Variants in TMEM255A observed in about 807,000 individuals in gnomAD.
The protein encoded by TMEM255A is family with sequence similarity 70, member A.
Under a neutral mutation model 23.5 loss-of-function variants are expected in TMEM255A, and 14 were observed. The ratio of observed to expected loss-of-function variants is 0.60; its 90% CI spans 0.39 to 0.93. The LOEUF is 0.93. Among genes scored for constraint, TMEM255A ranks in the 40% least tolerant of loss-of-function variants. The probability of loss-of-function intolerance (pLI) is 0.00; values close to 1 mark genes in which losing one functional copy is unlikely to be tolerated. For synonymous variants in TMEM255A, 104 were observed against 100.3 expected (o/e 1.04, Z -0.22); for missense variants, 233 against 261.7 (o/e 0.89, Z 0.76).
intron 2 of TMEM255A, among the ~76,000 whole-genome samples, chrX:120,296,706 G>T (rs1464487726): frequency 1.3e-4 from 6 of 46,903 alleles, no homozygotes; most frequent in East Asian, 6.3e-4. Context: ...AATATATTTA[G>T]GTAAATAAAT....
chrX:120,310,962 G>A (rs1388598135), intron 1 of TMEM255A, among the ~76,000 whole-genome samples: 2 of 109,697 alleles, frequency 1.8e-5, no homozygotes, highest in Non-Finnish European at 1.9e-5. Context: ...ATTTACCACC[G>A]ACTGCAAGTC....
At chrX:120,297,020 TTATA>T (rs1185608550) in intron 2 of TMEM255A, among the ~76,000 whole-genome samples, 3 of 4,326 alleles carry the variant, frequency 6.9e-4, no homozygotes, top group African/African-American at 4.1e-3. Context: ...ATTATATATA[TTATA>T]TATATATAAT....
chrX:120,278,588 C>T (rs1286968492), intron 6 of TMEM255A, among the ~76,000 whole-genome samples: 1 of 111,953 alleles, frequency 8.9e-6, no homozygotes, highest in Non-Finnish European at 1.9e-5. Flanking sequence ...CTGGATGTCA[C>T]AAACTAGTTT....
rs182567023 is a variant in TMEM255A, at chrX:120,311,346, G to A, written c.-37C>T. The A allele has an allele frequency of 6.4e-5, 72 of 1,123,603 alleles. No individual in the cohort carries two copies. The East Asian group carries it at 7.8e-4, about 12-fold the overall frequency. The allele number at this position is 1,123,603 out of a possible 1,213,427, so 92.6% of individuals were successfully genotyped here. On this transcript the variant is annotated 5_prime_UTR_variant, in exon 1 of 9. Transcript: ENST00000371369. ...CCCGGTTGCCCCAGTCCCCGAAGCT[G>A]CTTCAAGCGCCCCCGGCTCTGGGCG...
At position 120,260,239 on chromosome X, in the gene TMEM255A, C is replaced by T; in HGVS notation, c.*631G>A. On this transcript the variant is annotated 3_prime_UTR_variant, in exon 9 of 9. Transcript: ENST00000371369. ...CTACTGAAGATGCAAGAATATTGCACTTTTCCCTTTAGGAGGTACCAATAA... is the reference window on the plus strand; with the variant it reads ...CTACTGAAGATGCAAGAATATTGCATTTTTCCCTTTAGGAGGTACCAATAA... 2 of 750,098 alleles carry T rather than the reference C, an allele frequency of 2.7e-6. No individual in the cohort carries two copies. The highest frequency in any genetic ancestry group is 3.1e-6 in the Non-Finnish European group (2 of 635,140). 61.8% of individuals were successfully genotyped at this position (750,098 alleles called of 1,213,427 possible). A position where few individuals can be genotyped will look rare whatever the true frequency, so the allele number is the denominator to read the frequency against.
intron 6 of TMEM255A, among the ~76,000 whole-genome samples, chrX:120,280,403 T>C (rs1177841497): frequency 3.2e-5 from 3 of 94,825 alleles, no homozygotes; most frequent in African/African-American, 1.1e-4. Flanking sequence ...TTTGAGTGGT[T>C]CCAGCAGCCA....
At chrX:120,267,439 T>C (rs782521650) in intron 8 of TMEM255A, among the ~76,000 whole-genome samples, 1 of 112,350 alleles carries the variant, frequency 8.9e-6, no homozygotes, top group Non-Finnish European at 1.9e-5. Flanking sequence ...CTTTGGTCTC[T>C]AAAGTTTGAA....
intron 2 of TMEM255A, among the ~76,000 whole-genome samples, chrX:120,299,924 C>T (rs1247126656): frequency 8.9e-6 from 1 of 111,764 alleles, no homozygotes; most frequent in Admixed American, 9.5e-5. Flanking sequence ...GTCCCCATCT[C>T]CTAATATCCC....
intron 7 of TMEM255A, 83 bp downstream of exon 7, chrX:120,276,802 G>C: frequency 2.0e-6 from 2 of 992,824 alleles, no homozygotes; most frequent in Non-Finnish European, 2.8e-6. Flanking sequence ...CAAAATATGT[G>C]TCTGCATTTC....
intron 2 of TMEM255A, among the ~76,000 whole-genome samples, chrX:120,298,323 C>G (rs1275059343): frequency 9.0e-6 from 1 of 111,433 alleles, no homozygotes; most frequent in Admixed American, 9.5e-5. Flanking sequence ...GGGGTATGAT[C>G]AAGACCACTC....
intron 2 of TMEM255A, among the ~76,000 whole-genome samples, chrX:120,299,608 C>T (rs2058020413): frequency 8.9e-6 from 1 of 112,137 alleles, no homozygotes; most frequent in African/African-American, 3.2e-5. Context: ...AGCCACTGTA[C>T]CCAGCCCAGG....
intron 2 of TMEM255A, among the ~76,000 whole-genome samples, chrX:120,303,965 G>A (rs1226361771): frequency 3.6e-5 from 4 of 111,375 alleles, no homozygotes; most frequent in East Asian, 2.8e-4. Flanking sequence ...AGAGTGTCAA[G>A]CTGCCAGGAT....
intron 1 of TMEM255A, among the ~76,000 whole-genome samples, chrX:120,308,498 C>T: frequency 9.0e-6 from 1 of 111,721 alleles, no homozygotes; most frequent in Non-Finnish European, 1.9e-5. Flanking sequence ...AGCTTTGCCA[C>T]ACAGGGTGGG....
At chrX:120,283,054 G>A (rs1322014679) in intron 6 of TMEM255A, among the ~76,000 whole-genome samples, 1 of 110,224 alleles carries the variant, frequency 9.1e-6, no homozygotes, top group Non-Finnish European at 1.9e-5. Context: ...TAAAAACAAA[G>A]GGAAAGACAG....
At chrX:120,290,182 G>T (rs1175611549) in intron 4 of TMEM255A, among the ~76,000 whole-genome samples, 2 of 111,763 alleles carry the variant, frequency 1.8e-5, no homozygotes, top group African/African-American at 6.5e-5. Context: ...AATTGTATGG[G>T]ATGTGAATTA....
At chrX:120,285,256 T>C in intron 5 of TMEM255A, 41 bp from the exon 6 acceptor site, 10 of 1,083,406 alleles carry the variant, frequency 9.2e-6, no homozygotes, top group Non-Finnish European at 1.3e-5. Context: ...TGGCATTGGA[T>C]AGGAAGCAGG....
the TMEM255A span, among the ~76,000 whole-genome samples, chrX:120,251,628 G>A: frequency 8.9e-6 from 1 of 111,795 alleles, no homozygotes; most frequent in African/African-American, 3.3e-5. Flanking sequence ...GCCGCGTGTC[G>A]GTTTGTTTCA....
At position 120,291,326 on chromosome X, in the gene TMEM255A, G is replaced by T; in HGVS notation, c.279C>A (p.Ile93=). 1.7e-6 allele frequency: 2 copies of T among 1,207,280 alleles called. No homozygotes were observed. Among genetic ancestry groups the T allele is most frequent in the Non-Finnish European group, 2.2e-6 (2 of 892,819 alleles). Residue 93 remains isoleucine, a synonymous_variant, in exon 4 of 9, where the codon ATC becomes ATA. Transcript: ENST00000371369. Reference sequence around the variant, plus strand: ...CAATCACACCAAAGCTGATAAACACGATAGAAGCCACCAGCTGTAGGGGGG... The same window carrying T: ...CAATCACACCAAAGCTGATAAACACTATAGAAGCCACCAGCTGTAGGGGGG... ...ENKRQMLVAS[I]VFISFGVIAA... is the part of the protein sequence containing the mutation.
At chrX:120,267,351 G>A (rs1320296015) in intron 8 of TMEM255A, among the ~76,000 whole-genome samples, 3 of 112,099 alleles carry the variant, frequency 2.7e-5, no homozygotes, top group African/African-American at 9.7e-5. Context: ...GTACTTTTAT[G>A]TCCCCATGGA....
Sources: gnomAD v4.1 joint callset for allele counts (sites outside exome capture counted in the v4.1 genomes callset) on GRCh38, gnomAD v4.1.1 for gene constraint, MANE v1.5 for transcripts, NCBI Gene and HGNC (gene_info 2026-07-23, HGNC 2026-07-21) for gene names.